Variants in FBH1 observed in about 807,000 individuals in gnomAD.
FBH1 encodes the protein DNA 3'-5' helicase 1.
A neutral mutation model predicts 115.5 loss-of-function variants in FBH1; 43 were observed. The ratio of observed to expected loss-of-function variants is 0.37; its 90% confidence interval spans 0.29 to 0.48. The LOEUF (loss-of-function observed/expected upper bound fraction) is 0.48, where lower values mean the gene tolerates loss of function less well. Among genes scored for constraint, FBH1 ranks in the 20% least tolerant of loss-of-function variants. The probability of loss-of-function intolerance (pLI) is 0.99; values close to 1 mark genes in which losing one functional copy is unlikely to be tolerated. For missense variants in FBH1, 1,001 were observed against 1,337.3 expected, an observed-to-expected ratio of 0.75 and a Z score of 3.92; for synonymous variants, 524 against 507.8, an observed-to-expected ratio of 1.03 and a Z score of -0.43.
chr10:5,917,129 A>G lies in FBH1; in HGVS notation c.1789-291A>G, dbSNP rs796579079. The G allele has an allele frequency of 2.7e-6, 1 of 366,496 alleles. No individual in the cohort carries two copies. Among genetic ancestry groups the G allele is most frequent in the African/African-American group, 2.0e-5 (1 of 49,216 alleles). The allele number at this position is 366,496 out of a possible 1,614,324, so 22.7% of individuals were successfully genotyped here. On this transcript the variant is annotated intron_variant, in intron 10 of 20. Transcript: ENST00000362091. This position sits in a 1 kb window ranked among gnomAD's most constrained non-coding sequence, Gnocchi z 5.6. ...GTGCCATTGTTTTTGTGAATTAAGC[A>G]TCAGTCATAAATCTAGAAGAACAAT... is the stretch of plus-strand genomic sequence containing the variant.
At position 5,911,239 on chromosome 10, in the gene FBH1, AC is replaced by A; in HGVS notation, c.1211+114del. 9.6e-7 allele frequency: 1 copy of A among 1,040,988 alleles called. No homozygotes were observed. The highest frequency in any genetic ancestry group is 1.4e-6 in the Non-Finnish European group (1 of 719,008). The allele number at this position is 1,040,988 out of a possible 1,614,324, so 64.5% of individuals were successfully genotyped here. On this transcript the variant is annotated intron_variant, in intron 6 of 20. Transcript: ENST00000362091. This position sits in a 1 kb window ranked among gnomAD's most constrained non-coding sequence, Gnocchi z 5.4. ...GTGTTAGCACCTGGCAGGCTGTGGGACCCACCTGCTCCACCTCAGTGTCATC... is the reference window on the plus strand; with the variant it reads ...GTGTTAGCACCTGGCAGGCTGTGGGACCACCTGCTCCACCTCAGTGTCATC...
rs138669039 is a variant in FBH1, at chr10:5,898,448, T to C, written c.2-4572T>C. 1.6e-4 allele frequency among the ~76,000 whole-genome samples: 24 copies of C among 150,632 alleles called. No individual in the cohort carries two copies. In the East Asian group the frequency reaches 4.4e-3, roughly 28 times the overall value. On this transcript the variant is annotated intron_variant, in intron 1 of 20. Transcript: ENST00000362091. The stretch of plus-strand genomic sequence containing the variant: ...TCTTTTGAGACACAATCTCTCTCCA[T>C]TGTCCAGGCTGGAGTGCAGTGGCAC...
Position 5,902,965 on chromosome 10 carries a change from GA to G in FBH1, c.2-53del, listed in dbSNP as rs1843444854. The stretch of plus-strand genomic sequence containing the variant: ...AGTATAATGTGCTGGCTAGCTTGTA[GA>G]ATCGGTGATAACTAATGAATATCCC... On this transcript the variant is annotated intron_variant, in intron 1 of 20. Transcript: ENST00000362091. The G allele has an allele frequency of 4.0e-6, 6 of 1,512,244 alleles. No individual in the cohort carries two copies. The East Asian group carries it at 1.5e-4, about 37-fold the overall frequency. 93.7% of individuals were successfully genotyped at this position (1,512,244 alleles called of 1,614,324 possible).
At position 5,937,499 on chromosome 10, in the gene FBH1, T is replaced by A; in HGVS notation, c.*219T>A. 1 of 389,532 alleles carries A rather than the reference T, an allele frequency of 2.6e-6. No homozygotes were observed. The allele number at this position is 389,532 out of a possible 1,614,324, so 24.1% of individuals were successfully genotyped here. A position where few individuals can be genotyped will look rare whatever the true frequency, so the allele number is the denominator to read the frequency against. ...CTCTGGATGTATCTGGTCAGGGAAG[T>A]GGGGGATGTTCTTTTGATAAAAAAA... On this transcript the variant is annotated 3_prime_UTR_variant, in exon 21 of 21. Transcript: ENST00000362091.
chr10:5,912,605 C>A (rs532886825), intron 6 of FBH1, among the ~76,000 whole-genome samples: 8 of 152,270 alleles, frequency 5.3e-5, no homozygotes, highest in Non-Finnish European at 1.2e-4. Flanking sequence ...GGTGGCCAGG[C>A]ATCGGTGGCA....
intron 13 of FBH1, among the ~76,000 whole-genome samples, chr10:5,920,506 A>T (rs12252939): frequency 0.082 from 12,503 of 152,154 alleles, 1,650 homozygotes; most frequent in African/African-American, 0.28. Context: ...TGTAAAGGAG[A>T]TTTGTTTTTT....
intron 1 of FBH1, among the ~76,000 whole-genome samples, chr10:5,890,553 G>A (rs980280227): frequency 3.1e-4 from 47 of 150,398 alleles, no homozygotes; most frequent in Middle Eastern, 3.5e-3. Flanking sequence ...GGGGTGCGCG[G>A]GGGAGGCCAG....
chr10:5,890,519 C>G (rs1207724927), intron 1 of FBH1, among the ~76,000 whole-genome samples, 173 bp downstream of exon 1: 3 of 150,170 alleles, frequency 2.0e-5, no homozygotes, highest in Non-Finnish European at 3.0e-5. Context: ...CCGTCCGGGC[C>G]GTGGGCAGGT....
Position 5,914,110 on chromosome 10 carries a change from G to T in FBH1, c.1305-68G>T. On this transcript the variant is annotated intron_variant, in intron 7 of 20. Transcript: ENST00000362091. This position sits in a 1 kb window ranked among gnomAD's most constrained non-coding sequence, Gnocchi z 5.2. ...TATCCAGTTTGTATGTTTGGTTTTT[G>T]GACTGTCTATCCCCTGGACTTTTCA... The T allele has an allele frequency of 6.8e-7, 1 of 1,464,600 alleles. No homozygotes were observed. The highest frequency in any genetic ancestry group is 1.2e-5 in the South Asian group (1 of 84,718). The allele number at this position is 1,464,600 out of a possible 1,614,324, so 90.7% of individuals were successfully genotyped here.
In FBH1 at chr10:5,924,004, G is replaced by A. The variant is rs1173463130; in HGVS notation, c.2399-307G>A. On this transcript the variant is annotated intron_variant, in intron 16 of 20. Coordinates refer to ENST00000362091, the MANE Select transcript of FBH1 (RefSeq NM_178150.3). The surrounding 1 kb of genome is among the most constrained non-coding windows in gnomAD (Gnocchi z 6.2). ...GTTGATACTTCCACGTGGGCCCCAA[G>A]TGATAGCGTCGAGCATTTCTATAGC... is the stretch of plus-strand genomic sequence containing the variant. 1 of 560,834 alleles carries A rather than the reference G, an allele frequency of 1.8e-6. No individual in the cohort carries two copies. The allele number at this position is 560,834 out of a possible 1,614,324, so 34.7% of individuals were successfully genotyped here.
Position 5,909,479 on chromosome 10 carries a change from G to C in FBH1, c.1020+185G>C. 1.5e-6 allele frequency: 1 copy of C among 661,970 alleles called. No individual in the cohort carries two copies. Among genetic ancestry groups the C allele is most frequent in the South Asian group, 2.3e-5 (1 of 43,876 alleles). The allele number at this position is 661,970 out of a possible 1,614,324, so 41.0% of individuals were successfully genotyped here. ...AGAAATAAAAGGCCATATAATTGTA[G>C]AGTCTTAGATGTAGATGAAATTTTA... On this transcript the variant is annotated intron_variant, in intron 5 of 20. Transcript: ENST00000362091. The surrounding 1 kb of genome is among the most constrained non-coding windows in gnomAD (Gnocchi z 4.4).
chr10:5,894,864 A>G (rs938893038), intron 1 of FBH1, among the ~76,000 whole-genome samples: 5 of 152,248 alleles, frequency 3.3e-5, no homozygotes, highest in Non-Finnish European at 5.9e-5. Context: ...ATACAGTGCA[A>G]TTAAAAACAA....
chr10:5,912,638 T>C (rs1438876348), intron 6 of FBH1, among the ~76,000 whole-genome samples: 3 of 152,122 alleles, frequency 2.0e-5, no homozygotes, highest in African/African-American at 7.2e-5. Flanking sequence ...GGGACAGGAT[T>C]CCCCAGAAAT....
rs1467152987 is a variant in FBH1 at position 5,932,712 on chromosome 10, G to T, written c.2830-3744G>T. ...AGATAAATGCAAGTGTGACTTTTCTGTTGTTTTGTTTTGTTTTGTTTTTGA... is the reference window on the plus strand; with the variant it reads ...AGATAAATGCAAGTGTGACTTTTCTTTTGTTTTGTTTTGTTTTGTTTTTGA... On this transcript the variant is annotated intron_variant, in intron 19 of 20. Transcript: ENST00000362091. This position sits in a 1 kb window ranked among gnomAD's most constrained non-coding sequence, Gnocchi z 5.9. Among the ~76,000 whole-genome samples, 2 of 152,056 alleles carry T rather than the reference G, an allele frequency of 1.3e-5. No individual in the cohort carries two copies. The highest frequency in any genetic ancestry group is 4.8e-5 in the African/African-American group (2 of 41,396).
chr10:5,926,104 C>A (rs201434401), intron 18 of FBH1, among the ~76,000 whole-genome samples: 31 of 117,114 alleles, frequency 2.6e-4, no homozygotes, highest in African/African-American at 4.2e-4. Context: ...TATTATTATT[C>A]TTATTCTTAT....
Position 5,914,840 on chromosome 10 carries a change from C to G in FBH1, c.1397-563C>G, listed in dbSNP as rs944294154. On this transcript the variant is annotated intron_variant, in intron 8 of 20. Transcript: ENST00000362091. This position sits in a 1 kb window ranked among gnomAD's most constrained non-coding sequence, Gnocchi z 5.2. ...CCTGCTCCTTTTGTGGCTAAATACCCTGCTAACAACAACAACAACATTTTG... is the reference window on the plus strand; with the variant it reads ...CCTGCTCCTTTTGTGGCTAAATACCGTGCTAACAACAACAACAACATTTTG... Among the ~76,000 whole-genome samples the G allele has an allele frequency of 6.6e-6, 1 of 152,166 alleles. No individual in the cohort carries two copies. Among genetic ancestry groups the G allele is most frequent in the African/African-American group, 2.4e-5 (1 of 41,418 alleles).
At chr10:5,908,015 G>C (rs1033963785) in intron 3 of FBH1, among the ~76,000 whole-genome samples, 1 of 152,142 alleles carries the variant, frequency 6.6e-6, no homozygotes, top group Non-Finnish European at 1.5e-5. Context: ...GTATATGTTC[G>C]TTCAGCCCGC....
In FBH1 at chr10:5,903,781, G is replaced by A. The variant is rs574315255; in HGVS notation, c.157+606G>A. ...TTCCAATCCAGAAACACTGAGATTA[G>A]TTGACTCTTCATTCATCTTCTCTGT... On this transcript the variant is annotated intron_variant, in intron 2 of 20. Transcript: ENST00000362091. 1.6e-3 allele frequency among the ~76,000 whole-genome samples: 242 copies of A among 152,330 alleles called. 1 individual carries two copies. Among genetic ancestry groups the A allele is most frequent in the Non-Finnish European group, 2.7e-3 (182 of 68,028 alleles).
At chr10:5,893,164 G>T (rs1842831133) in intron 1 of FBH1, among the ~76,000 whole-genome samples, 1 of 152,274 alleles carries the variant, frequency 6.6e-6, no homozygotes, top group South Asian at 2.1e-4. Flanking sequence ...AAATTAGCTG[G>T]CTGTGGCGGT....
Sources: allele counts gnomAD v4.1 joint callset (sites outside exome capture counted in the v4.1 genomes callset), GRCh38; gene constraint gnomAD v4.1.1; non-coding constraint Gnocchi (gnomAD v3.1); transcripts MANE v1.5; gene names NCBI Gene and HGNC (gene_info 2026-07-23, HGNC 2026-07-21).